Variants in DTWD2 observed in about 807,000 individuals in gnomAD.
DTWD2 encodes the protein DTW motif tRNA-uridine aminocarboxypropyltransferase 2.
Under a neutral mutation model 31.8 loss-of-function variants are expected in DTWD2, and 39 were observed. The observed-to-expected ratio is 1.22, with a 90% CI of 0.95 to 1.60. The LOEUF is 1.60. Ranked by LOEUF, DTWD2 falls within the 40% of genes most tolerant of loss-of-function variation. The pLI, the probability that DTWD2 is intolerant of heterozygous loss-of-function variation, is 0.00. For synonymous variants in DTWD2, 180 were observed against 142.8 expected (o/e 1.26, Z -1.86); for missense variants, 515 against 381.5 (o/e 1.35, Z -2.92).
chr5:118,969,479 G>C (rs1014451619), intron 1 of DTWD2, among the ~76,000 whole-genome samples: 1 of 152,184 alleles, frequency 6.6e-6, no homozygotes, highest in Non-Finnish European at 1.5e-5. Context: ...AGAAAGAGGA[G>C]GCTGTCACCT....
intron 4 of DTWD2, among the ~76,000 whole-genome samples, chr5:118,887,084 T>A (rs112502967): frequency 0.016 from 2,417 of 152,252 alleles, 79 homozygotes; most frequent in African/African-American, 0.055. Flanking sequence ...AGCAAAAAAA[T>A]TTTTCTGAGT....
In DTWD2 at chr5:118,988,309, T is replaced by A. The variant is rs1217863235; in HGVS notation, c.203A>T (p.Glu68Val). 2.0e-6 allele frequency: 3 copies of A among 1,524,986 alleles called. No homozygotes were observed. The highest frequency in any genetic ancestry group is 2.8e-5 in the African/African-American group (2 of 71,158). 94.5% of individuals were successfully genotyped at this position (1,524,986 alleles called of 1,614,324 possible). ...CCGCGGTCACCTGCAGCGGGTGCAC[T>A]CAGGCCTCCGCTCGGCCGGCTCCAC... Reference protein sequence around the residue: ...LPVEPAERRPECTRCSRPQKV... With the variant: ...LPVEPAERRPVCTRCSRPQKV... Residue 68 changes from glutamate (E) to valine (V), a missense_variant, in exon 1 of 6, where the codon GAG becomes GTG. Transcript: ENST00000510708.
In DTWD2 at chr5:118,840,855, GAA is replaced by G; in HGVS notation, c.*60_*61del. 1.3e-6 allele frequency: 2 copies of G among 1,544,958 alleles called. No homozygotes were observed. The highest frequency in any genetic ancestry group is 2.6e-5 in the South Asian group (2 of 78,170). ...AAAAACCTACAGACCTTAACTATAT[GAA>G]AACTTAATTTGGTATTGTTAGATGA... On this transcript the variant is annotated 3_prime_UTR_variant, in exon 6 of 6. Transcript: ENST00000510708.
At chr5:118,868,553 C>G (rs906804359) in intron 4 of DTWD2, among the ~76,000 whole-genome samples, 3 of 152,076 alleles carry the variant, frequency 2.0e-5, no homozygotes, top group Non-Finnish European at 2.9e-5. Flanking sequence ...AAAATTCCTA[C>G]AACTCAACAA....
intron 4 of DTWD2, among the ~76,000 whole-genome samples, chr5:118,871,030 T>C (rs1752490078): frequency 6.6e-6 from 1 of 151,734 alleles, no homozygotes; most frequent in Non-Finnish European, 1.5e-5. Flanking sequence ...AAATCTTACA[T>C]AATATTCTAA....
In DTWD2 at chr5:118,839,757, G is replaced by A. The variant is rs768635340; in HGVS notation, c.*1160C>T. 2 of 152,060 alleles carry A rather than the reference G, an allele frequency of 1.3e-5. No homozygotes were observed. Among genetic ancestry groups the A allele is most frequent in the Non-Finnish European group, 2.9e-5 (2 of 68,022 alleles). 9.4% of individuals were successfully genotyped at this position (152,060 alleles called of 1,614,324 possible). On this transcript the variant is annotated 3_prime_UTR_variant, in exon 6 of 6. Transcript: ENST00000510708. ...TTCTGCATAGTTTCCCCAAATATTA[G>A]CATTCTAATTGTGACCAGCATTATA...
intron 1 of DTWD2, among the ~76,000 whole-genome samples, chr5:118,978,823 T>C (rs369172867): frequency 6.7e-6 from 1 of 150,154 alleles, no homozygotes; most frequent in East Asian, 2.0e-4. Context: ...CTGGGCAATA[T>C]GGTGAAACCC....
Position 118,968,663 on chromosome 5 carries a change from G to A in DTWD2, c.218+19631C>T, listed in dbSNP as rs755220196. ...CCTGAGCCCACACCACCAGGACCTT[G>A]GGTCCAAAGCATAGCGCTATGCGGA... On this transcript the variant is annotated intron_variant, in intron 1 of 5. Transcript: ENST00000510708. Among the ~76,000 whole-genome samples the A allele has an allele frequency of 5.9e-5, 9 of 152,190 alleles. 1 individual carries two copies. The highest frequency in any genetic ancestry group is 1.3e-4 in the Non-Finnish European group (9 of 68,030).
chr5:118,983,568 C>A (rs948597266), intron 1 of DTWD2, among the ~76,000 whole-genome samples: 8 of 151,884 alleles, frequency 5.3e-5, no homozygotes, highest in African/African-American at 1.5e-4. Flanking sequence ...TCCAGAATAT[C>A]CAAGCCTAAA....
chr5:118,929,565 G>A (rs181656613), intron 3 of DTWD2, among the ~76,000 whole-genome samples: 110 of 151,436 alleles, frequency 7.3e-4, no homozygotes, highest in African/African-American at 2.6e-3. Context: ...CTGTGATTCT[G>A]GGGACTGCCC....
chr5:118,891,600 C>T (rs960392542), intron 4 of DTWD2, among the ~76,000 whole-genome samples: 16 of 152,152 alleles, frequency 1.1e-4, no homozygotes, highest in Admixed American at 5.2e-4. Context: ...GGCTTAAACA[C>T]CAGCAGTCTC....
chr5:118,879,340 C>T (rs1377040591), intron 4 of DTWD2, among the ~76,000 whole-genome samples: 2 of 152,098 alleles, frequency 1.3e-5, no homozygotes, highest in Non-Finnish European at 2.9e-5. Context: ...ACTGCGGTGG[C>T]TCATGCCTGT....
intron 3 of DTWD2, among the ~76,000 whole-genome samples, chr5:118,936,673 A>C (rs1477608077): frequency 6.6e-6 from 1 of 152,034 alleles, no homozygotes; most frequent in African/African-American, 2.4e-5. Context: ...GCTTATATGA[A>C]TGAACAAAAA....
chr5:118,921,565 A>T (rs1753705279), intron 4 of DTWD2, among the ~76,000 whole-genome samples: 1 of 152,034 alleles, frequency 6.6e-6, no homozygotes, highest in Non-Finnish European at 1.5e-5. Context: ...AAAAGTAAAA[A>T]GTAAATCACT....
chr5:118,852,714 C>T (rs1238912559), intron 4 of DTWD2, among the ~76,000 whole-genome samples: 1 of 76,176 alleles, frequency 1.3e-5, no homozygotes, highest in African/African-American at 4.3e-5. Context: ...AATCTCATAA[C>T]TGGATATATA....
intron 1 of DTWD2, among the ~76,000 whole-genome samples, chr5:118,956,818 AG>A (rs1357349212): frequency 6.6e-6 from 1 of 152,208 alleles, no homozygotes; most frequent in African/African-American, 2.4e-5. Flanking sequence ...AAGAACAAAA[AG>A]TTTCATAGCT....
chr5:118,958,315 G>A (rs796675382), intron 1 of DTWD2, among the ~76,000 whole-genome samples: 109 of 152,020 alleles, frequency 7.2e-4, no homozygotes, highest in African/African-American at 2.4e-3. Flanking sequence ...AAAATGAGCC[G>A]GGTGTGGTGG....
intron 1 of DTWD2, among the ~76,000 whole-genome samples, chr5:118,978,448 A>G (rs1006959442): frequency 6.6e-6 from 1 of 152,214 alleles, no homozygotes; most frequent in Non-Finnish European, 1.5e-5. Context: ...CAACCTACAG[A>G]ATGGGAGAAA....
chr5:118,950,929 T>C lies in DTWD2; in HGVS notation c.219-6280A>G, dbSNP rs112729908. ...GCTTTTTTTAAACGTCAGGAGCAGA[T>C]TGGGTAATAAAATGCATATTGAGAA... On this transcript the variant is annotated intron_variant, in intron 1 of 5. Coordinates refer to ENST00000510708, the MANE Select transcript of DTWD2 (RefSeq NM_173666.4). Among the ~76,000 whole-genome samples the C allele has an allele frequency of 5.6e-3, 855 of 152,104 alleles. 12 individuals are homozygous for C. Among genetic ancestry groups the C allele is most frequent in the African/African-American group, 0.02 (826 of 41,468 alleles).
Sources: gnomAD v4.1 joint callset for allele counts (sites outside exome capture counted in the v4.1 genomes callset) on GRCh38, gnomAD v4.1.1 for gene constraint, MANE v1.5 for transcripts, NCBI Gene and HGNC (gene_info 2026-07-23, HGNC 2026-07-21) for gene names.